Variants in RBFOX1 observed in about 807,000 individuals in gnomAD.
RBFOX1 encodes the protein RNA binding protein fox-1 homolog 1.
A neutral mutation model predicts 57.7 loss-of-function variants in RBFOX1; 8 were observed. The observed-to-expected ratio is 0.14, with a 90% CI of 0.08 to 0.25. The LOEUF is 0.25. Among genes scored for constraint, RBFOX1 ranks in the 10% least tolerant of loss-of-function variants. The pLI, the probability that RBFOX1 is intolerant of heterozygous loss-of-function variation, is 1.00. For missense variants in RBFOX1, 611 were observed against 548.5 expected (o/e 1.11, Z -1.14); for synonymous variants, 326 against 222.4 (o/e 1.47, Z -4.15).
intron 3 of RBFOX1, among the ~76,000 whole-genome samples, chr16:6,966,629 A>C (rs1013491779): frequency 6.6e-6 from 1 of 152,184 alleles, no homozygotes; most frequent in Non-Finnish European, 1.5e-5. Flanking sequence ...TCACAGAGCA[A>C]GAGGCAAGGT....
At chr16:6,574,422 CTA>C (rs1294901811) in intron 2 of RBFOX1, among the ~76,000 whole-genome samples, 12 of 96,552 alleles carry the variant, frequency 1.2e-4, no homozygotes, top group African/African-American at 2.8e-4. Flanking sequence ...TCCGTATCTT[CTA>C]TTTTTTTTTT....
intron 4 of RBFOX1, among the ~76,000 whole-genome samples, chr16:7,065,655 G>A (rs1020706169): frequency 6.6e-6 from 1 of 152,016 alleles, no homozygotes; most frequent in Non-Finnish European, 1.5e-5. Context: ...ATTTTTTAGG[G>A]TAAGAATACT....
intron 1 of RBFOX1, among the ~76,000 whole-genome samples, chr16:6,301,984 CA>C (rs1331434423): frequency 6.6e-6 from 1 of 152,076 alleles, no homozygotes; most frequent in African/African-American, 2.4e-5. Context: ...AGGGAAAAAT[CA>C]GAAACCGAGC....
rs1026076041 is a variant in RBFOX1, at chr16:6,716,535, G to T, written c.-16+61885G>T. ...AATCTGTTTGCTTTCTTGTTTACCTGCATAGAACTTACTCTTCCATCTTCT... is the reference window on the plus strand; with the variant it reads ...AATCTGTTTGCTTTCTTGTTTACCTTCATAGAACTTACTCTTCCATCTTCT... On this transcript the variant is annotated intron_variant, in intron 3 of 15. Coordinates refer to ENST00000550418, the MANE Select transcript of RBFOX1 (RefSeq NM_018723.4). Among the ~76,000 whole-genome samples, 4 of 152,126 alleles carry T rather than the reference G, an allele frequency of 2.6e-5. No homozygotes were observed. In the East Asian group the frequency reaches 7.7e-4, roughly 29 times the overall value.
intron 3 of RBFOX1, among the ~76,000 whole-genome samples, chr16:6,925,113 T>G (rs1273434207): frequency 2.2e-3 from 49 of 22,218 alleles, no homozygotes; most frequent in African/African-American, 9.9e-3. Context: ...TTGTTGGTTT[T>G]TTTTTTTTTT....
At chr16:6,545,005 T>C (rs1360900709) in intron 2 of RBFOX1, among the ~76,000 whole-genome samples, 1 of 152,204 alleles carries the variant, frequency 6.6e-6, no homozygotes, top group East Asian at 1.9e-4. Context: ...AAATCTTTTT[T>C]TTATAGGCTG....
At chr16:5,270,664 CAGA>C (rs1442418680) in intron 1 of RBFOX1, 3 of 539,944 alleles carry the variant, frequency 5.6e-6, no homozygotes, top group African/African-American at 3.9e-5. Context: ...CTGCCAAATC[CAGA>C]AGAAGGTGTT....
chr16:7,213,700 C>A (rs1377563528), intron 4 of RBFOX1, among the ~76,000 whole-genome samples: 1 of 152,148 alleles, frequency 6.6e-6, no homozygotes, highest in Non-Finnish European at 1.5e-5. Flanking sequence ...CCATTTTATA[C>A]TCAAGGGACC....
intron 4 of RBFOX1, among the ~76,000 whole-genome samples, chr16:6,006,511 GAAGA>G (rs2094928121): frequency 6.6e-6 from 1 of 152,252 alleles, no homozygotes; most frequent in Non-Finnish European, 1.5e-5. Flanking sequence ...CCATGACACA[GAAGA>G]AAGAAAGAAG....
At chr16:6,954,971 C>A (rs1420457476) in intron 3 of RBFOX1, among the ~76,000 whole-genome samples, 2 of 151,730 alleles carry the variant, frequency 1.3e-5, no homozygotes, top group African/African-American at 4.8e-5. Flanking sequence ...TGGCTCGTGC[C>A]CATAATCTGA....
At chr16:5,589,375 G>C (rs1283001997) in intron 2 of RBFOX1, among the ~76,000 whole-genome samples, 1 of 152,126 alleles carries the variant, frequency 6.6e-6, no homozygotes, top group Non-Finnish European at 1.5e-5. Flanking sequence ...GGCCAACCTG[G>C]GGCAAGTCAC....
At chr16:5,933,923 T>G (rs1307575581) in intron 4 of RBFOX1, among the ~76,000 whole-genome samples, 1 of 152,132 alleles carries the variant, frequency 6.6e-6, no homozygotes, top group Non-Finnish European at 1.5e-5. Flanking sequence ...AATAATTATT[T>G]TTTCTGTTCC....
At chr16:6,759,501 GTGTGTGTGT>G (rs2076297709) in intron 3 of RBFOX1, among the ~76,000 whole-genome samples, 2 of 150,076 alleles carry the variant, frequency 1.3e-5, no homozygotes, top group Non-Finnish European at 3.0e-5. Context: ...GTGTGTGTGT[GTGTGTGTGT>G]GTGTGTGTGT....
At chr16:7,350,550 C>T (rs555260293) in intron 4 of RBFOX1, among the ~76,000 whole-genome samples, 1 of 152,238 alleles carries the variant, frequency 6.6e-6, no homozygotes, top group East Asian at 1.9e-4. Flanking sequence ...TAAAAGATTC[C>T]TCTGGAAAGT....
chr16:7,412,636 A>G (rs541195491), intron 4 of RBFOX1, among the ~76,000 whole-genome samples: 2 of 152,356 alleles, frequency 1.3e-5, no homozygotes, highest in South Asian at 2.1e-4. Flanking sequence ...AAAGCATTCT[A>G]TCTTAGATTT....
At chr16:7,532,490 G>T (rs3785263) in intron 5 of RBFOX1, among the ~76,000 whole-genome samples, 141,833 of 152,234 alleles carry the variant, frequency 0.93, 66,406 homozygotes, top group Middle Eastern at 0.98. Context: ...GGGGACCTAG[G>T]AAAAGGGAGG....
chr16:6,950,992 A>G (rs1261362236), intron 3 of RBFOX1, among the ~76,000 whole-genome samples: 2 of 151,598 alleles, frequency 1.3e-5, no homozygotes, highest in South Asian at 4.2e-4. Context: ...TGCAGCCTCA[A>G]ACTTCTAGGC....
chr16:5,792,157 G>C (rs139066055), intron 3 of RBFOX1, among the ~76,000 whole-genome samples: 1 of 152,330 alleles, frequency 6.6e-6, no homozygotes, highest in African/African-American at 2.4e-5. Context: ...CTAAGGGGCT[G>C]ATAAAAGAGA....
intron 4 of RBFOX1, among the ~76,000 whole-genome samples, chr16:7,119,436 A>G (rs1306710654): frequency 1.3e-5 from 2 of 152,142 alleles, no homozygotes; most frequent in Non-Finnish European, 2.9e-5. Flanking sequence ...ACTTTGGCAG[A>G]CAGAACTAGT....
Sources: gnomAD v4.1 joint callset for allele counts (sites outside exome capture counted in the v4.1 genomes callset) on GRCh38, gnomAD v4.1.1 for gene constraint, MANE v1.5 for transcripts, NCBI Gene and HGNC (gene_info 2026-07-23, HGNC 2026-07-21) for gene names.